Variants in LPIN3 observed in about 807,000 individuals in gnomAD.
The protein encoded by LPIN3 is lipin 3.
In LPIN3, 82 loss-of-function variants were observed where a neutral mutation model predicts 94.7. That is an observed-to-expected ratio of 0.87 (90% CI 0.72 to 1.04). The LOEUF is 1.04. LPIN3 is among the 50% of genes least tolerant of loss of function. The pLI, the probability that LPIN3 is intolerant of heterozygous loss-of-function variation, is 0.00. For missense variants in LPIN3, 996 were observed against 1,090.5 expected, an observed-to-expected ratio of 0.91 and a Z score of 1.22; for synonymous variants, 418 against 443.3, an observed-to-expected ratio of 0.94 and a Z score of 0.72.
At chr20:41,348,071 AG>A (rs904309566) in intron 3 of LPIN3, among the ~76,000 whole-genome samples, 9 of 152,170 alleles carry the variant, frequency 5.9e-5, no homozygotes, top group African/African-American at 1.2e-4. Flanking sequence ...GTGTTCGCAC[AG>A]GGGAGGCAGG....
At chr20:41,357,853 C>T (rs1235757232) in intron 16 of LPIN3, 29 bp from the exon 17 acceptor site, 11 of 1,613,300 alleles carry the variant, frequency 6.8e-6, no homozygotes, top group Non-Finnish European at 9.3e-6. Context: ...TCTCTGATGG[C>T]TCTATGCCAC....
At chr20:41,341,913 C>A (rs139565380) in intron 1 of LPIN3, among the ~76,000 whole-genome samples, 2,374 of 152,236 alleles carry the variant, frequency 0.016, 30 homozygotes, top group Non-Finnish European at 0.025. Context: ...GCAGGCGGAG[C>A]TTGCAGTGAG....
rs760985042 is a variant in LPIN3 at position 41,350,192 on chromosome 20, G to A, written c.897G>A (p.Gln299=). ...TGGACCCTTTGGGACTCCCAATCCA[G>A]CAAACAGAGGCTGGTGCCGACCTTC... ...GGVDPLGLPI[Q]QTEAGADLQP... Residue 299 remains glutamine, a synonymous_variant, in exon 7 of 20, where the codon CAG becomes CAA. Transcript: ENST00000373257. 1 of 1,613,564 alleles carries A rather than the reference G, an allele frequency of 6.2e-7. No individual in the cohort carries two copies. Among genetic ancestry groups the A allele is most frequent in the East Asian group, 2.2e-5 (1 of 44,880 alleles).
intron 13 of LPIN3, 94 bp from the exon 14 acceptor site, chr20:41,355,802 A>C: frequency 1.3e-6 from 2 of 1,505,382 alleles, no homozygotes; most frequent in Non-Finnish European, 1.8e-6. Flanking sequence ...AGGCCCTGGC[A>C]TGGCGGGGAC....
At position 41,352,677 on chromosome 20, in the gene LPIN3, C is replaced by T; in HGVS notation, c.1435C>T (p.Leu479=). 1 of 1,614,168 alleles carries T rather than the reference C, an allele frequency of 6.2e-7. No individual in the cohort carries two copies. The highest frequency in any genetic ancestry group is 1.1e-5 in the South Asian group (1 of 91,088). Reference sequence around the variant, plus strand: ...CCCCGGACTTTTGGATGACCCAAACCTAGTGGTGAAAATCAATGGAAAGTA... The same window carrying T: ...CCCCGGACTTTTGGATGACCCAAACTTAGTGGTGAAAATCAATGGAAAGTA... ...KNPGLLDDPN[L]VVKINGKHYN... The change falls in exon 10 of 20, where the codon CTA becomes TTA. Residue 479 remains leucine (L), a synonymous_variant. Coordinates refer to ENST00000373257, the MANE Select transcript of LPIN3 (RefSeq NM_022896.3).
intron 3 of LPIN3, among the ~76,000 whole-genome samples, chr20:41,348,067 G>C (rs369126341): frequency 6.6e-6 from 1 of 152,252 alleles, no homozygotes; most frequent in Non-Finnish European, 1.5e-5. Context: ...GTGGGTGTTC[G>C]CACAGGGGAG....
Position 41,349,891 on chromosome 20 carries a change from T to A in LPIN3, c.756T>A (p.Pro252=). ...SHMQWAWGRL[P]KVARAERPES... is the part of the protein sequence containing the mutation. ...TGCAGTGGGCCTGGGGGAGGCTGCC[T>A]AAGGTGAGTCCCTCTGTATCAACCC... The change falls in exon 6 of 20, where the codon CCT becomes CCA. Residue 252 remains proline (P), a synonymous_variant. Coordinates refer to ENST00000373257, the MANE Select transcript of LPIN3 (RefSeq NM_022896.3). 6.2e-7 allele frequency: 1 copy of A among 1,612,426 alleles called. No homozygotes were observed. The highest frequency in any genetic ancestry group is 8.5e-7 in the Non-Finnish European group (1 of 1,179,594).
At chr20:41,353,292 T>C (rs373683830) in intron 11 of LPIN3, among the ~76,000 whole-genome samples, 1 of 152,234 alleles carries the variant, frequency 6.6e-6, no homozygotes, top group Admixed American at 6.5e-5. Context: ...GGGTGCTTAC[T>C]TTCTTTATCT....
In LPIN3 at chr20:41,359,148, T is replaced by A; in HGVS notation, c.*282T>A. On this transcript the variant is annotated 3_prime_UTR_variant, in exon 20 of 20. Transcript: ENST00000373257. ...CTTTTTTTTTTTTTTTTTTTTTTTT[T>A]CCTGAGACAGGGTCTTGTTCTGTTG... 4.2e-6 allele frequency: 1 copy of A among 240,520 alleles called. No individual in the cohort carries two copies. Among genetic ancestry groups the A allele is most frequent in the Non-Finnish European group, 7.8e-6 (1 of 127,864 alleles). 14.9% of individuals were successfully genotyped at this position (240,520 alleles called of 1,614,324 possible).
intron 11 of LPIN3, 119 bp from the exon 12 acceptor site, chr20:41,354,526 C>A: frequency 1.1e-6 from 1 of 898,796 alleles, no homozygotes; most frequent in Non-Finnish European, 1.6e-6. Context: ...ATGTTGACAG[C>A]ACCTTACCCT....
chr20:41,354,914 G>A, intron 13 of LPIN3, 51 bp downstream of exon 13: 1 of 1,535,674 alleles, frequency 6.5e-7, no homozygotes, highest in Non-Finnish European at 8.8e-7. Context: ...GGGAAAGATG[G>A]CCCTGGGTGC....
In LPIN3 at chr20:41,358,797, C is replaced by G; in HGVS notation, c.2487C>G (p.Asn829Lys). Residue 829 changes from asparagine to lysine, a missense_variant, in exon 20 of 20, where the codon AAC becomes AAG. Physicochemically the swap from Asn to Lys is moderately conservative, Grantham distance 94 (BLOSUM62 0). Coordinates refer to ENST00000373257, the MANE Select transcript of LPIN3 (RefSeq NM_022896.3). Reference protein sequence around the residue: ...VARGPSTDLANPEYSNFCYWR... With the variant: ...VARGPSTDLAKPEYSNFCYWR... Reference sequence around the variant, plus strand: ...GTGGCCCCAGCACAGACCTGGCCAACCCTGAATACAGTAACTTCTGCTACT... The same window carrying G: ...GTGGCCCCAGCACAGACCTGGCCAAGCCTGAATACAGTAACTTCTGCTACT... 6.2e-7 allele frequency: 1 copy of G among 1,614,146 alleles called. No homozygotes were observed. Among genetic ancestry groups the G allele is most frequent in the Non-Finnish European group, 8.5e-7 (1 of 1,180,026 alleles).
Position 41,358,898 on chromosome 20 carries a change from C to T in LPIN3, c.*32C>T, listed in dbSNP as rs149754094. 259 of 1,611,456 alleles carry T rather than the reference C, an allele frequency of 1.6e-4. No individual in the cohort carries two copies. The African/African-American group carries it at 2.9e-3, about 18-fold the overall frequency. Reference sequence around the variant, plus strand: ...CCTGGCTGGCTCCTCCTCCCTGGCCCGGCCCAGGACTGGCTAGGTGTCCTG... The same window carrying T: ...CCTGGCTGGCTCCTCCTCCCTGGCCTGGCCCAGGACTGGCTAGGTGTCCTG... On this transcript the variant is annotated 3_prime_UTR_variant, in exon 20 of 20. Transcript: ENST00000373257.
intron 19 of LPIN3, 72 bp downstream of exon 19, chr20:41,358,614 A>G (rs1321064340): frequency 2.5e-6 from 4 of 1,603,538 alleles, no homozygotes; most frequent in East Asian, 2.2e-5. Context: ...CTGGGCCCCA[A>G]TTTTACCTCT....
chr20:41,341,363 T>G (rs1347921783), intron 1 of LPIN3, among the ~76,000 whole-genome samples: 1 of 152,210 alleles, frequency 6.6e-6, no homozygotes, highest in African/African-American at 2.4e-5. Flanking sequence ...CTGCTTGCCC[T>G]GAGACTGGGC....
chr20:41,356,059 G>T (rs758099636), intron 14 of LPIN3, 25 bp downstream of exon 14: 2 of 1,608,968 alleles, frequency 1.2e-6, no homozygotes, highest in Non-Finnish European at 8.5e-7. Context: ...TCTGTGTGGA[G>T]GTTGGGGAGG....
chr20:41,347,444 G>C, intron 2 of LPIN3, 108 bp from the exon 3 acceptor site: 1 of 1,008,310 alleles, frequency 9.9e-7, no homozygotes, highest in Non-Finnish European at 1.5e-6. Context: ...ACCCCAGCAA[G>C]TATGGTGTTT....
intron 1 of LPIN3, among the ~76,000 whole-genome samples, chr20:41,343,867 G>A (rs895457024): frequency 9.2e-5 from 14 of 152,160 alleles, no homozygotes; most frequent in East Asian, 3.9e-4. Flanking sequence ...TGAGACCAAC[G>A]TGGGCAACAT....
Position 41,357,452 on chromosome 20 carries a change from G to C in LPIN3, c.2039+5G>C. ...TCTCTATCACAAAATCCAACTGTGA[G>C]TGCCTGGGCTGGGGCTGGGGCTGAG... On this transcript the variant is annotated splice_donor_5th_base_variant and intron_variant, in intron 16 of 19. Transcript: ENST00000373257. 6.2e-7 allele frequency: 1 copy of C among 1,611,598 alleles called. No homozygotes were observed. Among genetic ancestry groups the C allele is most frequent in the Non-Finnish European group, 8.5e-7 (1 of 1,179,064 alleles).
Sources: allele counts gnomAD v4.1 joint callset (sites outside exome capture counted in the v4.1 genomes callset), GRCh38; gene constraint gnomAD v4.1.1; transcripts MANE v1.5; gene names NCBI Gene and HGNC (gene_info 2026-07-23, HGNC 2026-07-21).